The following AMMECR1 variants were observed in gnomAD, a reference collection of about 807,000 sequenced individuals.
AMMECR1 encodes AMMECR nuclear protein 1.
In AMMECR1, 3 loss-of-function variants were observed where a neutral mutation model predicts 22.5. That is an observed-to-expected ratio of 0.13 (90% confidence interval 0.06 to 0.35). The LOEUF (loss-of-function observed/expected upper bound fraction) is 0.35, where lower values mean the gene tolerates loss of function less well. Among genes scored for constraint, AMMECR1 ranks in the 10% least tolerant of loss-of-function variants. The pLI is 1.00. For synonymous variants in AMMECR1, 130 were observed against 116.7 expected (o/e 1.11, Z -0.74); for missense variants, 235 against 278.7 (o/e 0.84, Z 1.12).
intron 2 of AMMECR1, among the ~76,000 whole-genome samples, chrX:110,324,063 C>A (rs1358429537): frequency 1.9e-5 from 2 of 104,566 alleles, no homozygotes; most frequent in African/African-American, 7.1e-5. Flanking sequence ...GTGGCATGAT[C>A]TTGGCTCACT....
intron 2 of AMMECR1, among the ~76,000 whole-genome samples, chrX:110,380,323 A>T (rs775327005): frequency 9.1e-6 from 1 of 109,410 alleles, no homozygotes; most frequent in Admixed American, 9.6e-5. Flanking sequence ...GAGCCAAATC[A>T]AGAATGCAAT....
rs201895781 is a variant in AMMECR1 at position 110,406,114 on chromosome X, GTT to G, written c.-148+20542_-148+20543del. 2.7e-3 allele frequency among the ~76,000 whole-genome samples: 281 copies of G among 103,870 alleles called. 3 individuals carry two copies. Among genetic ancestry groups the G allele is most frequent in the African/African-American group, 9.6e-3 (277 of 28,811 alleles). 90.2% of individuals were successfully genotyped at this position (103,870 alleles called of 115,157 possible). A position where few individuals can be genotyped will look rare whatever the true frequency, so the allele number is the denominator to read the frequency against. On this transcript the variant is annotated intron_variant, in intron 2 of 7. Coordinates refer to the AMMECR1 transcript ENST00000372057. ...TCTTCAAGGAAGGTTCTGGAAAGTG[GTT>G]TTTTTTTTTTCTTCAAGTTCTGTGT...
intron 2 of AMMECR1, among the ~76,000 whole-genome samples, chrX:110,351,293 C>T (rs1374423650): frequency 9.0e-6 from 1 of 111,629 alleles, no homozygotes; most frequent in Non-Finnish European, 1.9e-5. Context: ...ATAGCCAAAA[C>T]AATCTTAAAA....
chrX:110,213,450 T>G (rs2067457259), intron 3 of AMMECR1, among the ~76,000 whole-genome samples: 1 of 112,698 alleles, frequency 8.9e-6, no homozygotes, highest in Non-Finnish European at 1.9e-5. Flanking sequence ...CTTCTTTTTA[T>G]GGCTGAGTAA....
intron 1 of AMMECR1, among the ~76,000 whole-genome samples, chrX:110,284,803 A>T (rs902306596): frequency 2.7e-5 from 3 of 112,187 alleles, no homozygotes; most frequent in African/African-American, 9.7e-5. Context: ...CAAAGTACCA[A>T]AGAATGAATT....
intron 2 of AMMECR1, among the ~76,000 whole-genome samples, chrX:110,426,001 C>T (rs749206329): frequency 3.1e-4 from 35 of 111,724 alleles, no homozygotes; most frequent in African/African-American, 9.1e-4. Flanking sequence ...CACACACAAA[C>T]GCACACACAC....
intron 2 of AMMECR1, among the ~76,000 whole-genome samples, chrX:110,252,749 G>A (rs773491419): frequency 1.8e-5 from 2 of 112,264 alleles, no homozygotes; most frequent in South Asian, 3.7e-4. Flanking sequence ...TATGTACCAC[G>A]TACTGTTGTA....
At chrX:110,340,626 G>C (rs1159385002) in intron 2 of AMMECR1, among the ~76,000 whole-genome samples, 1 of 112,279 alleles carries the variant, frequency 8.9e-6, no homozygotes, top group Non-Finnish European at 1.9e-5. Context: ...TCCTCATATG[G>C]AAATGAAGAT....
At chrX:110,410,669 G>A (rs980780881) in intron 2 of AMMECR1, among the ~76,000 whole-genome samples, 1 of 111,954 alleles carries the variant, frequency 8.9e-6, no homozygotes, top group African/African-American at 3.3e-5. Flanking sequence ...AATGTCCACA[G>A]CTTTGGGAAG....
At chrX:110,317,187 G>A (rs1232326088) in intron 1 of AMMECR1, among the ~76,000 whole-genome samples, 1 of 111,266 alleles carries the variant, frequency 9.0e-6, no homozygotes, top group African/African-American at 3.3e-5. Flanking sequence ...AAGATACGCG[G>A]GGCGGGAATA....
intron 2 of AMMECR1, among the ~76,000 whole-genome samples, chrX:110,426,284 A>G (rs773640924): frequency 2.1e-4 from 24 of 112,053 alleles, no homozygotes; most frequent in Non-Finnish European, 3.8e-4. Flanking sequence ...CTCTTCTTCC[A>G]TCTATCATGT....
At chrX:110,378,500 T>C (rs1016023693) in intron 2 of AMMECR1, among the ~76,000 whole-genome samples, 1 of 112,235 alleles carries the variant, frequency 8.9e-6, no homozygotes, top group Non-Finnish European at 1.9e-5. Context: ...AGTAACGTAC[T>C]AGCTCCTCAT....
chrX:110,272,093 G>A (rs2067802067), intron 1 of AMMECR1, among the ~76,000 whole-genome samples: 1 of 109,837 alleles, frequency 9.1e-6, no homozygotes, highest in Admixed American at 9.7e-5. Context: ...GTGGGCGCCT[G>A]TAGTCCCAGC....
chrX:110,288,478 T>C (rs951908952), intron 1 of AMMECR1, among the ~76,000 whole-genome samples: 1 of 112,134 alleles, frequency 8.9e-6, no homozygotes, highest in Non-Finnish European at 1.9e-5. Context: ...AAGAGTCAGA[T>C]TGTGCGCTCT....
chrX:110,431,289 G>A (rs1240893251), intron 1 of AMMECR1, among the ~76,000 whole-genome samples: 2 of 108,825 alleles, frequency 1.8e-5, no homozygotes, highest in Non-Finnish European at 3.8e-5. Context: ...CCAACATGAA[G>A]TGAAGGTTCA....
At chrX:110,375,537 GATGA>G (rs72153865) in intron 2 of AMMECR1, among the ~76,000 whole-genome samples, 13,682 of 109,330 alleles carry the variant, frequency 0.13, 1,567 homozygotes, top group African/African-American at 0.36. Context: ...TGGATGAATA[GATGA>G]ATGAATGAAT....
intron 2 of AMMECR1, among the ~76,000 whole-genome samples, chrX:110,336,522 A>T (rs1556092452): frequency 9.1e-6 from 1 of 109,914 alleles, no homozygotes; most frequent in South Asian, 3.9e-4. Context: ...TGTCTCTACT[A>T]AAAAAACAAA....
At position 110,197,350 on chromosome X, in the gene AMMECR1, T is replaced by C. The variant is rs1370133756; in HGVS notation, c.*1170A>G. 1.8e-5 allele frequency: 2 copies of C among 112,494 alleles called. No homozygotes were observed. The highest frequency in any genetic ancestry group is 3.8e-5 in the Non-Finnish European group (2 of 53,216). The allele number at this position is 112,494 out of a possible 1,213,427, so 9.3% of individuals were successfully genotyped here. A position where few individuals can be genotyped will look rare whatever the true frequency, so the allele number is the denominator to read the frequency against. The stretch of plus-strand genomic sequence containing the variant: ...ATCTGAAATCATGGCAAATATGAAC[T>C]TTTGTTTTACTAAATTATCTTTACC... On this transcript the variant is annotated 3_prime_UTR_variant, in exon 6 of 6. Transcript: ENST00000262844.
chrX:110,365,742 C>A (rs2068292862), intron 2 of AMMECR1, among the ~76,000 whole-genome samples: 1 of 111,827 alleles, frequency 8.9e-6, no homozygotes, highest in Admixed American at 9.5e-5. Flanking sequence ...AAACTGGTTG[C>A]TCATGATCTT....
Sources: allele counts gnomAD v4.1 joint callset (sites outside exome capture counted in the v4.1 genomes callset), GRCh38; gene constraint gnomAD v4.1.1; transcripts MANE v1.5; gene names NCBI Gene and HGNC (gene_info 2026-07-23, HGNC 2026-07-21).